GRM7: variants seen among roughly 807,000 people sequenced by gnomAD.
GRM7 encodes the protein metabotropic glutamate receptor 7.
GRM7 carries 35 observed loss-of-function variants against 84.5 expected under a neutral mutation model. That is an observed-to-expected ratio of 0.41 (90% CI 0.32 to 0.55). GRM7 has a LOEUF of 0.55. Ranked by LOEUF, GRM7 falls within the 20% of genes least tolerant of loss-of-function variation. The pLI, the probability that GRM7 is intolerant of heterozygous loss-of-function variation, is 0.19. For missense variants in GRM7, 1,003 were observed against 1,194.6 expected (o/e 0.84, Z 2.36); for synonymous variants, 487 against 455.1 (o/e 1.07, Z -0.89).
intron 2 of GRM7, among the ~76,000 whole-genome samples, chr3:7,159,356 C>T (rs1303685276): frequency 6.6e-6 from 1 of 152,168 alleles, no homozygotes. Flanking sequence ...TTAGCTTTTG[C>T]AGCATGCAAG....
At chr3:7,270,773 A>G (rs1316210943) in intron 2 of GRM7, among the ~76,000 whole-genome samples, 1 of 152,230 alleles carries the variant, frequency 6.6e-6, no homozygotes, top group Non-Finnish European at 1.5e-5. Flanking sequence ...GGAAATGGTC[A>G]ATTTCTATCC....
intron 8 of GRM7, among the ~76,000 whole-genome samples, chr3:7,617,243 A>C (rs1022987775): frequency 6.6e-6 from 1 of 152,148 alleles, no homozygotes; most frequent in African/African-American, 2.4e-5. Flanking sequence ...ACGGGACAGA[A>C]TATATGGTAT....
chr3:7,517,080 AT>A (rs1450699050), intron 7 of GRM7, among the ~76,000 whole-genome samples: 1 of 152,108 alleles, frequency 6.6e-6, no homozygotes, highest in Non-Finnish European at 1.5e-5. Context: ...CACACTCTGC[AT>A]CTCTCTTGGA....
intron 7 of GRM7, among the ~76,000 whole-genome samples, chr3:7,464,827 CAAAAAAA>C (rs71307749): frequency 2.3e-5 from 2 of 85,796 alleles, no homozygotes; most frequent in Admixed American, 2.4e-4. Context: ...GACTCTGTCT[CAAAAAAA>C]AAAAAAAAAA....
chr3:6,893,053 A>G (rs1035320458), intron 1 of GRM7: 1 of 152,162 alleles, frequency 6.6e-6, no homozygotes, highest in African/African-American at 2.4e-5. Context: ...TTTTTCCTAG[A>G]TGAAGGGCAT....
In GRM7 at chr3:7,248,437, C is replaced by G. The variant is rs144852297; in HGVS notation, c.737-50247C>G. ...TGAAGCTAATATGTATGAGGAGTAT[C>G]GGAATAATACTTGCCTTTGGAGGGG... On this transcript the variant is annotated intron_variant, in intron 2 of 9. Transcript: ENST00000357716. 9.9e-5 allele frequency among the ~76,000 whole-genome samples: 15 copies of G among 152,044 alleles called. No homozygotes were observed. In the East Asian group the frequency reaches 2.9e-3, roughly 29 times the overall value.
intron 5 of GRM7, among the ~76,000 whole-genome samples, chr3:7,445,550 C>T (rs1168597142): frequency 6.6e-6 from 1 of 152,098 alleles, no homozygotes; most frequent in Non-Finnish European, 1.5e-5. Flanking sequence ...TCATCACATT[C>T]AATTCTCACT....
intron 1 of GRM7, among the ~76,000 whole-genome samples, chr3:7,080,559 T>G (rs1241065864): frequency 6.6e-6 from 1 of 152,032 alleles, no homozygotes; most frequent in African/African-American, 2.4e-5. Flanking sequence ...TCTAGCACAA[T>G]GCCCTTTCTT....
At chr3:7,495,492 G>A (rs917408405) in intron 7 of GRM7, among the ~76,000 whole-genome samples, 4 of 152,100 alleles carry the variant, frequency 2.6e-5, no homozygotes, top group Admixed American at 1.3e-4. Context: ...GCTCAGACCC[G>A]TGGTGACAAA....
chr3:7,548,165 G>T (rs1693262080), intron 7 of GRM7, among the ~76,000 whole-genome samples: 1 of 152,194 alleles, frequency 6.6e-6, no homozygotes, highest in Non-Finnish European at 1.5e-5. Context: ...GAAGCATTTG[G>T]GTCATAGGTG....
At chr3:7,544,300 C>G (rs1318275134) in intron 7 of GRM7, among the ~76,000 whole-genome samples, 1 of 152,202 alleles carries the variant, frequency 6.6e-6, no homozygotes, top group Non-Finnish European at 1.5e-5. Context: ...GTAATTGGAA[C>G]TATGGTGTGC....
intron 1 of GRM7, among the ~76,000 whole-genome samples, chr3:7,124,066 C>T (rs1001939662): frequency 3.3e-5 from 5 of 152,008 alleles, no homozygotes; most frequent in African/African-American, 1.2e-4. Context: ...ACATTCCTTA[C>T]CTTGCTTAGA....
chr3:7,463,084 C>A (rs559244883), intron 7 of GRM7, among the ~76,000 whole-genome samples: 63 of 150,890 alleles, frequency 4.2e-4, no homozygotes, highest in African/African-American at 1.3e-3. Flanking sequence ...TGGGTGCTGC[C>A]ATGTGATATG....
chr3:7,011,959 G>A (rs1337080447), intron 1 of GRM7, among the ~76,000 whole-genome samples: 1 of 152,152 alleles, frequency 6.6e-6, no homozygotes, highest in African/African-American at 2.4e-5. Flanking sequence ...AAGGTTCCTA[G>A]AAGAGAGTGT....
intron 4 of GRM7, among the ~76,000 whole-genome samples, chr3:7,371,853 A>G (rs1238816262): frequency 6.6e-6 from 1 of 152,220 alleles, no homozygotes; most frequent in African/African-American, 2.4e-5. Context: ...CACAGCAAAC[A>G]GAATGAACAG....
chr3:6,991,652 A>C (rs1486528373), intron 1 of GRM7, among the ~76,000 whole-genome samples: 2 of 152,220 alleles, frequency 1.3e-5, no homozygotes, highest in Admixed American at 6.5e-5. Context: ...ATAATTGACA[A>C]AAATTCTCTT....
intron 2 of GRM7, among the ~76,000 whole-genome samples, chr3:7,196,230 C>G (rs1056910680): frequency 5.9e-5 from 9 of 152,074 alleles, no homozygotes; most frequent in Non-Finnish European, 1.3e-4. Context: ...GTTTTTTGTG[C>G]TATTCAGGTC....
intron 8 of GRM7, among the ~76,000 whole-genome samples, chr3:7,658,574 G>C (rs938374682): frequency 1.3e-5 from 2 of 152,156 alleles, no homozygotes; most frequent in African/African-American, 4.8e-5. Flanking sequence ...AATTTTTAGA[G>C]AGATAGCTGA....
intron 2 of GRM7, among the ~76,000 whole-genome samples, chr3:7,265,677 G>A (rs1281710144): frequency 6.6e-6 from 1 of 152,210 alleles, no homozygotes; most frequent in East Asian, 1.9e-4. Context: ...TGTGGGGAGG[G>A]TGGACAGAGA....
Sources: allele counts gnomAD v4.1 joint callset (sites outside exome capture counted in the v4.1 genomes callset), GRCh38; gene constraint gnomAD v4.1.1; transcripts MANE v1.5; gene names NCBI Gene and HGNC (gene_info 2026-07-23, HGNC 2026-07-21).